The following MBD5 variants were observed in gnomAD, a reference collection of about 807,000 sequenced individuals.
MBD5 encodes methyl-CpG binding domain protein 5, also known as methyl-CpG-binding domain protein 5.
In MBD5, 13 loss-of-function variants were observed where a neutral mutation model predicts 117.3. The ratio of observed to expected loss-of-function variants is 0.11; its 90% CI spans 0.07 to 0.18. MBD5 has a LOEUF of 0.18. Ranked by LOEUF, MBD5 falls within the 10% of genes least tolerant of loss-of-function variation. The pLI is 1.00. For missense variants in MBD5, 1,879 were observed against 2,093.8 expected (o/e 0.90, Z 2.00); for synonymous variants, 727 against 766.4 (o/e 0.95, Z 0.85).
chr2:148,436,921 A>T (rs1205247607), intron 4 of MBD5, among the ~76,000 whole-genome samples: 1 of 152,084 alleles, frequency 6.6e-6, no homozygotes, highest in East Asian at 1.9e-4. Context: ...TGGACTACTG[A>T]TTAAAGCTTC....
chr2:148,498,948 T>G lies in MBD5; in HGVS notation c.4963-3488T>G, dbSNP rs73965442. ...GAACAAACTATAAAACTATTTATGTTGAAGAATTATTATATCCAAACAATT... is the reference window on the plus strand; with the variant it reads ...GAACAAACTATAAAACTATTTATGTGGAAGAATTATTATATCCAAACAATT... On this transcript the variant is annotated intron_variant, in intron 11 of 13. Coordinates refer to ENST00000642680, the MANE Select transcript of MBD5 (RefSeq NM_001378120.1). Among the ~76,000 whole-genome samples, 254 of 152,280 alleles carry G rather than the reference T, an allele frequency of 1.7e-3. 2 individuals carry two copies. Among genetic ancestry groups the G allele is most frequent in the African/African-American group, 6.0e-3 (250 of 41,566 alleles).
chr2:148,067,283 C>T (rs1695227852), intron 1 of MBD5, among the ~76,000 whole-genome samples: 1 of 152,130 alleles, frequency 6.6e-6, no homozygotes, highest in Non-Finnish European at 1.5e-5. Flanking sequence ...CATCAAAGAA[C>T]CATTTTGAAC....
At chr2:148,156,421 C>T (rs1302263616) in intron 1 of MBD5, among the ~76,000 whole-genome samples, 1 of 152,190 alleles carries the variant, frequency 6.6e-6, no homozygotes, top group Admixed American at 6.5e-5. Flanking sequence ...AGTGCTCTTT[C>T]GTCCCGCCAA....
At chr2:148,418,663 T>C (rs1292394404) in intron 4 of MBD5, among the ~76,000 whole-genome samples, 1 of 152,140 alleles carries the variant, frequency 6.6e-6, no homozygotes, top group East Asian at 1.9e-4. Context: ...AGGCATATAC[T>C]TATCCAAGAA....
chr2:148,072,916 TA>T (rs1695401155), intron 1 of MBD5, among the ~76,000 whole-genome samples: 1 of 152,126 alleles, frequency 6.6e-6, no homozygotes, highest in South Asian at 2.1e-4. Flanking sequence ...TGTATTTTGT[TA>T]ATGTTCTGGA....
chr2:148,085,801 G>A (rs1452078108), intron 1 of MBD5, among the ~76,000 whole-genome samples: 2 of 152,124 alleles, frequency 1.3e-5, no homozygotes, highest in Admixed American at 1.3e-4. Flanking sequence ...TCCATATAAA[G>A]ACACTGAGAG....
chr2:148,277,762 T>G (rs1701149790), intron 3 of MBD5, among the ~76,000 whole-genome samples: 1 of 152,190 alleles, frequency 6.6e-6, no homozygotes, highest in African/African-American at 2.4e-5. Flanking sequence ...ATATTTACTC[T>G]TATTTCTTTT....
In MBD5 at chr2:148,516,525, A is replaced by G. The variant is rs1274308044; in HGVS notation, c.*3584A>G. ...CAGAACTGTAATATTTAATTAGTTC[A>G]TCTTTTTCTTTCATTCACTCTATCA... is the stretch of plus-strand genomic sequence containing the variant. On this transcript the variant is annotated 3_prime_UTR_variant, in exon 14 of 14. Transcript: ENST00000642680. 6.6e-6 allele frequency: 1 copy of G among 152,220 alleles called. No homozygotes were observed. Among genetic ancestry groups the G allele is most frequent in the Non-Finnish European group, 1.5e-5 (1 of 68,034 alleles). 9.4% of individuals were successfully genotyped at this position (152,220 alleles called of 1,614,324 possible).
intron 3 of MBD5, among the ~76,000 whole-genome samples, chr2:148,318,497 C>A (rs1038550207): frequency 6.6e-6 from 1 of 151,948 alleles, no homozygotes; most frequent in African/African-American, 2.4e-5. Flanking sequence ...CTTTTTCTGG[C>A]ATTTGTCTTT....
intron 4 of MBD5, among the ~76,000 whole-genome samples, chr2:148,399,561 G>A (rs368723343): frequency 1.6e-4 from 24 of 152,052 alleles, no homozygotes; most frequent in African/African-American, 2.4e-4. Flanking sequence ...GGGCTGAGAC[G>A]ATGGGGTTTT....
chr2:148,342,547 A>C (rs1211703195), intron 4 of MBD5, among the ~76,000 whole-genome samples: 1 of 152,018 alleles, frequency 6.6e-6, no homozygotes, highest in African/African-American at 2.4e-5. Flanking sequence ...AAAAGAATGT[A>C]ATACAGAAAA....
chr2:148,261,632 C>T (rs1020046670), intron 3 of MBD5, among the ~76,000 whole-genome samples: 3 of 152,170 alleles, frequency 2.0e-5, no homozygotes, highest in Non-Finnish European at 4.4e-5. Context: ...TCAGCAAAAA[C>T]GCTATTTCAC....
intron 4 of MBD5, among the ~76,000 whole-genome samples, chr2:148,406,258 A>G (rs1175432653): frequency 1.3e-5 from 2 of 152,208 alleles, no homozygotes; most frequent in African/African-American, 4.8e-5. Context: ...ATACTTTGAA[A>G]TATAGTTTTC....
chr2:148,139,751 A>C (rs543428108), intron 1 of MBD5, among the ~76,000 whole-genome samples: 82 of 152,202 alleles, frequency 5.4e-4, no homozygotes, highest in African/African-American at 1.9e-3. Flanking sequence ...TGCACCCATT[A>C]TCTCTCAATA....
At chr2:148,032,348 C>T (rs1015425736) in intron 1 of MBD5, among the ~76,000 whole-genome samples, 9 of 151,842 alleles carry the variant, frequency 5.9e-5, no homozygotes, top group Non-Finnish European at 1.0e-4. Context: ...TAGAGAGGTA[C>T]GTAATATGAG....
intron 4 of MBD5, among the ~76,000 whole-genome samples, chr2:148,374,823 G>A (rs1703950612): frequency 6.6e-6 from 1 of 152,048 alleles, no homozygotes. Flanking sequence ...TCCCACACAT[G>A]CGTATGACTA....
intron 3 of MBD5, among the ~76,000 whole-genome samples, chr2:148,309,928 G>C (rs1006099600): frequency 2.0e-5 from 3 of 152,156 alleles, no homozygotes; most frequent in African/African-American, 7.2e-5. Context: ...CATTGTTTCT[G>C]TTTAAGTGAT....
intron 1 of MBD5, among the ~76,000 whole-genome samples, chr2:148,124,992 A>G (rs1029925950): frequency 2.0e-5 from 3 of 151,216 alleles, no homozygotes; most frequent in Non-Finnish European, 3.0e-5. Context: ...TCAGGATTAT[A>G]CATATATATT....
chr2:148,132,106 T>A (rs1480876112), intron 1 of MBD5, among the ~76,000 whole-genome samples: 1 of 152,144 alleles, frequency 6.6e-6, no homozygotes, highest in Non-Finnish European at 1.5e-5. Context: ...TAATTATGCT[T>A]ACTGCATAGA....
Sources: allele counts gnomAD v4.1 joint callset (sites outside exome capture counted in the v4.1 genomes callset), GRCh38; gene constraint gnomAD v4.1.1; transcripts MANE v1.5; gene names NCBI Gene and HGNC (gene_info 2026-07-23, HGNC 2026-07-21).